Variants in TAFA4 observed in about 807,000 individuals in gnomAD.
TAFA4 encodes the protein chemokine-like protein TAFA-4.
TAFA4 carries 20 observed loss-of-function variants against 21.1 expected under a neutral mutation model. That is an observed-to-expected ratio of 0.95 (90% CI 0.67 to 1.38). TAFA4 has a LOEUF of 1.38. Ranked by LOEUF, TAFA4 falls within the 40% of genes most tolerant of loss-of-function variation. The pLI is 0.00. For synonymous variants in TAFA4, 71 were observed against 67.4 expected (o/e 1.05, Z -0.26); for missense variants, 211 against 180.9 (o/e 1.17, Z -0.95).
At chr3:68,743,648 C>G (rs1702400246) in intron 4 of TAFA4, among the ~76,000 whole-genome samples, 1 of 151,814 alleles carries the variant, frequency 6.6e-6, no homozygotes, top group African/African-American at 2.4e-5. Context: ...CCCCTTGCAG[C>G]TTCATGGAGC....
chr3:68,812,564 A>G (rs1212346456), intron 3 of TAFA4, among the ~76,000 whole-genome samples: 1 of 152,230 alleles, frequency 6.6e-6, no homozygotes, highest in Non-Finnish European at 1.5e-5. Flanking sequence ...AACAAAAATA[A>G]GAAGAGACAA....
At chr3:68,818,039 A>G (rs1280580994) in intron 3 of TAFA4, among the ~76,000 whole-genome samples, 1 of 152,170 alleles carries the variant, frequency 6.6e-6, no homozygotes, top group Admixed American at 6.5e-5. Flanking sequence ...TTTTCTTCCA[A>G]TAGAAGTCTG....
intron 3 of TAFA4, among the ~76,000 whole-genome samples, chr3:68,846,795 G>C (rs1704811940): frequency 6.6e-6 from 1 of 152,138 alleles, no homozygotes; most frequent in Admixed American, 6.5e-5. Context: ...AGGTCTGCTG[G>C]AATTTGCTGG....
chr3:68,861,040 C>A (rs913333804), intron 3 of TAFA4, among the ~76,000 whole-genome samples: 1 of 129,528 alleles, frequency 7.7e-6, no homozygotes, highest in East Asian at 2.8e-4. Context: ...ACCCCCCCCC[C>A]GCCCCCACGA....
At chr3:68,779,797 G>A (rs1703121722) in intron 3 of TAFA4, among the ~76,000 whole-genome samples, 1 of 152,130 alleles carries the variant, frequency 6.6e-6, no homozygotes, top group Non-Finnish European at 1.5e-5. Context: ...GGAAATGTGG[G>A]GTTGGAGCCC....
intron 3 of TAFA4, among the ~76,000 whole-genome samples, chr3:68,836,274 C>G (rs1351886041): frequency 6.6e-6 from 1 of 152,196 alleles, no homozygotes; most frequent in African/African-American, 2.4e-5. Context: ...CCGCCTGTCA[C>G]CAGGATTGTT....
At chr3:68,828,851 T>C (rs551366610) in intron 3 of TAFA4, among the ~76,000 whole-genome samples, 1 of 152,306 alleles carries the variant, frequency 6.6e-6, no homozygotes, top group East Asian at 1.9e-4. Context: ...CCTCTTTTCC[T>C]AATTGAATAT....
chr3:68,820,011 T>C (rs1360243081), intron 3 of TAFA4, among the ~76,000 whole-genome samples: 1 of 152,096 alleles, frequency 6.6e-6, no homozygotes, highest in Non-Finnish European at 1.5e-5. Flanking sequence ...CTATTCACAA[T>C]AACCAAGATA....
At chr3:68,745,144 AG>A (rs1176751020) in intron 4 of TAFA4, among the ~76,000 whole-genome samples, 1 of 152,208 alleles carries the variant, frequency 6.6e-6, no homozygotes, top group African/African-American at 2.4e-5. Context: ...ACTGACAGCA[AG>A]GGTAAGAACC....
At chr3:68,783,702 A>G (rs1380928432) in intron 3 of TAFA4, among the ~76,000 whole-genome samples, 1 of 117,548 alleles carries the variant, frequency 8.5e-6, no homozygotes, top group Non-Finnish European at 1.8e-5. Flanking sequence ...AGAGAGAGAG[A>G]GAGAGAAAGA....
chr3:68,771,703 G>A (rs1265151089), intron 3 of TAFA4, among the ~76,000 whole-genome samples: 2 of 152,144 alleles, frequency 1.3e-5, no homozygotes, highest in African/African-American at 2.4e-5. Context: ...AACTTAAAAT[G>A]TGCAAACAGA....
At chr3:68,748,224 T>C (rs1344846358) in intron 4 of TAFA4, among the ~76,000 whole-genome samples, 6 of 152,256 alleles carry the variant, frequency 3.9e-5, no homozygotes, top group Admixed American at 3.9e-4. Flanking sequence ...TGAACCAACG[T>C]ATGCAATATA....
chr3:68,846,556 G>A (rs941731569), intron 3 of TAFA4, among the ~76,000 whole-genome samples: 12 of 152,098 alleles, frequency 7.9e-5, no homozygotes, highest in South Asian at 4.2e-4. Flanking sequence ...GTTTTGTTCC[G>A]TTGCTGGCAA....
intron 3 of TAFA4, among the ~76,000 whole-genome samples, chr3:68,803,797 C>CTTTTTTTTTTTTTTTTTTT (rs386396961): frequency 2.5e-5 from 2 of 81,612 alleles, no homozygotes; most frequent in African/African-American, 5.0e-5. Context: ...ATCTCTGATT[C>CTTTTTTTTTTTTTTTTTTT]TTTTTTTTTT....
chr3:68,767,609 T>A (rs532795065), intron 3 of TAFA4, among the ~76,000 whole-genome samples: 2 of 151,986 alleles, frequency 1.3e-5, no homozygotes, highest in South Asian at 4.1e-4. Flanking sequence ...AGAGCAGTAA[T>A]TGCAACTGAA....
intron 3 of TAFA4, among the ~76,000 whole-genome samples, chr3:68,821,326 CTTTTTTTTTTTTTTTTTTTTTTTTT>C (rs575774839): frequency 1.4e-5 from 1 of 73,670 alleles, no homozygotes; most frequent in African/African-American, 5.5e-5. Context: ...AACCTCCCTG[CTTTTTTTTTTTTTTTTTTTTTTTTT>C]TTTTTTTTTT....
intron 1 of TAFA4, 67 bp downstream of exon 1, chr3:68,932,173 A>C (rs908885668): frequency 6.6e-6 from 1 of 151,858 alleles, no homozygotes; most frequent in Admixed American, 6.6e-5. Context: ...CAGCACCTAA[A>C]TACAGGGTCC....
intron 3 of TAFA4, among the ~76,000 whole-genome samples, chr3:68,829,802 G>T (rs530602298): frequency 1.3e-5 from 2 of 152,262 alleles, no homozygotes; most frequent in East Asian, 3.9e-4. Context: ...AATTCAGCTT[G>T]AATCTGTCCG....
In TAFA4 at chr3:68,733,082, C is replaced by G. The variant is rs1218232158; in HGVS notation, c.*60G>C. On this transcript the variant is annotated 3_prime_UTR_variant, in exon 6 of 6. Transcript: ENST00000295569. ...CTGCAAAGGGGCCATGATGGGAATC[C>G]AAGCAAAAGAGCTCCGCCTCCTGCT... The G allele has an allele frequency of 3.7e-6, 6 of 1,607,172 alleles. No homozygotes were observed. Among genetic ancestry groups the G allele is most frequent in the Non-Finnish European group, 4.2e-6 (5 of 1,176,676 alleles).
Sources: gnomAD v4.1 joint callset for allele counts (sites outside exome capture counted in the v4.1 genomes callset) on GRCh38, gnomAD v4.1.1 for gene constraint, MANE v1.5 for transcripts, NCBI Gene and HGNC (gene_info 2026-07-23, HGNC 2026-07-21) for gene names.